Variants in NELL2 observed in about 807,000 individuals in gnomAD.
NELL2 encodes protein kinase C-binding protein NELL2.
Under a neutral mutation model 109.6 loss-of-function variants are expected in NELL2, and 41 were observed. That is an observed-to-expected ratio of 0.37 (90% confidence interval 0.29 to 0.49). The LOEUF is 0.49. NELL2 is among the 20% of genes least tolerant of loss of function. The pLI, the probability that NELL2 is intolerant of heterozygous loss-of-function variation, is 0.98. For missense variants in NELL2, 900 were observed against 1,008.3 expected (o/e 0.89, Z 1.45); for synonymous variants, 355 against 344.7 (o/e 1.03, Z -0.33).
intron 2 of NELL2, among the ~76,000 whole-genome samples, chr12:44,845,750 C>T (rs1296234718): frequency 6.6e-6 from 1 of 152,180 alleles, no homozygotes; most frequent in Non-Finnish European, 1.5e-5. Flanking sequence ...TACACACACA[C>T]AGTACTAAGG....
chr12:44,662,809 T>C (rs1330075530), intron 13 of NELL2, among the ~76,000 whole-genome samples: 1 of 152,112 alleles, frequency 6.6e-6, no homozygotes, highest in Non-Finnish European at 1.5e-5. Context: ...GAGAGTCTGC[T>C]GGGAGTATCT....
At chr12:44,608,968 A>G (rs891201358) in intron 14 of NELL2, among the ~76,000 whole-genome samples, 10 of 151,318 alleles carry the variant, frequency 6.6e-5, no homozygotes, top group Non-Finnish European at 1.5e-5. Context: ...TTAAAGTATA[A>G]GTTATGCATA....
chr12:44,707,208 C>A (rs1937934332), intron 11 of NELL2, among the ~76,000 whole-genome samples: 1 of 152,092 alleles, frequency 6.6e-6, no homozygotes, highest in Admixed American at 6.6e-5. Flanking sequence ...AGTCCACTGG[C>A]CTGGACACAA....
At chr12:44,671,483 T>C (rs957325750) in intron 12 of NELL2, among the ~76,000 whole-genome samples, 17 of 151,870 alleles carry the variant, frequency 1.1e-4, no homozygotes, top group Non-Finnish European at 2.4e-4. Context: ...TACAAAGAAT[T>C]AACAAAATGA....
intron 9 of NELL2, among the ~76,000 whole-genome samples, chr12:44,718,850 T>C (rs1404944531): frequency 6.6e-6 from 1 of 152,150 alleles, no homozygotes; most frequent in Non-Finnish European, 1.5e-5. Context: ...TCGACTCTAG[T>C]AGGTGCTGCT....
At chr12:44,767,306 G>T (rs967325360) in intron 9 of NELL2, among the ~76,000 whole-genome samples, 1 of 152,126 alleles carries the variant, frequency 6.6e-6, no homozygotes, top group Non-Finnish European at 1.5e-5. Context: ...TGTCAAGGTT[G>T]CCTGGGAAAG....
chr12:44,601,802 A>G (rs182674229), intron 15 of NELL2, among the ~76,000 whole-genome samples: 101 of 152,276 alleles, frequency 6.6e-4, no homozygotes, highest in African/African-American at 2.0e-3. Flanking sequence ...TTTATTTTCT[A>G]CATGCACAAA....
At position 44,677,053 on chromosome 12, in the gene NELL2, T is replaced by C. The variant is rs1208693663; in HGVS notation, c.1319-11444A>G. 2.0e-5 allele frequency among the ~76,000 whole-genome samples: 3 copies of C among 152,168 alleles called. No individual in the cohort carries two copies. The East Asian group carries it at 5.8e-4, about 29-fold the overall frequency. ...AGCAAAGTGAGGGCTCCAAACCCAG[T>C]CTTACAAACAGGGAGAAATTAACAT... On this transcript the variant is annotated intron_variant, in intron 12 of 19. Transcript: ENST00000429094.
intron 15 of NELL2, among the ~76,000 whole-genome samples, chr12:44,566,533 TCACACACACACA>T (rs3071958): frequency 2.7e-5 from 4 of 148,760 alleles, no homozygotes; most frequent in African/African-American, 1.0e-4. Context: ...TTACACATAC[TCACACACACACA>T]CACACACACA....
At chr12:44,600,217 G>T (rs1945164914) in intron 15 of NELL2, among the ~76,000 whole-genome samples, 1 of 150,086 alleles carries the variant, frequency 6.7e-6, no homozygotes, top group African/African-American at 2.5e-5. Flanking sequence ...CACCGTGTTA[G>T]TCAGGATGGT....
Position 44,665,623 on chromosome 12 carries a change from C to A in NELL2, c.1319-14G>T. On this transcript the variant is annotated splice_polypyrimidine_tract_variant and intron_variant, in intron 12 of 19. Transcript: ENST00000429094. Reference sequence around the variant, plus strand: ...ACTCATCGATGTCTGTGAAGAAAAACAGGACAAAGAGGTCAACAGTGGGCA... The same window carrying A: ...ACTCATCGATGTCTGTGAAGAAAAAAAGGACAAAGAGGTCAACAGTGGGCA... 2 of 1,610,516 alleles carry A rather than the reference C, an allele frequency of 1.2e-6. No individual in the cohort carries two copies. The highest frequency in any genetic ancestry group is 1.7e-6 in the Non-Finnish European group (2 of 1,177,940).
chr12:44,736,064 G>A (rs554243140), intron 9 of NELL2, among the ~76,000 whole-genome samples: 29 of 140,872 alleles, frequency 2.1e-4, no homozygotes, highest in African/African-American at 4.5e-4. Flanking sequence ...AGGCTGGAGC[G>A]CAGTGGCGCG....
At chr12:44,815,043 TC>T (rs1267891172) in intron 3 of NELL2, among the ~76,000 whole-genome samples, 1 of 152,198 alleles carries the variant, frequency 6.6e-6, no homozygotes, top group Non-Finnish European at 1.5e-5. Flanking sequence ...TTAGGTGACT[TC>T]CCCAATGTCC....
Position 44,520,121 on chromosome 12 carries a change from C to A in NELL2, c.2284G>T (p.Ala762Ser). Residue 762 changes from alanine to serine, a missense_variant, in exon 19 of 20, where the codon GCT (alanine) becomes TCT (serine). Transcript: ENST00000429094. ...CPRCVTDPCQADTIRNDITKT... is the reference protein window; with the variant it reads ...CPRCVTDPCQSDTIRNDITKT... ...GTGATGTCATTGCGGATGGTGTCAG[C>A]CTGGCAAGGGTCTGTGACACAGCGC... 1 of 1,614,130 alleles carries A rather than the reference C, an allele frequency of 6.2e-7. No individual in the cohort carries two copies. The highest frequency in any genetic ancestry group is 8.5e-7 in the Non-Finnish European group (1 of 1,180,032).
chr12:44,893,306 C>T (rs541549978), intron 1 of NELL2, among the ~76,000 whole-genome samples: 2 of 149,470 alleles, frequency 1.3e-5, no homozygotes, highest in East Asian at 4.0e-4. Flanking sequence ...GTTTTCTCTC[C>T]AATTTTCTCT....
chr12:44,830,255 G>A (rs1943845721), intron 2 of NELL2, among the ~76,000 whole-genome samples: 1 of 152,154 alleles, frequency 6.6e-6, no homozygotes, highest in Non-Finnish European at 1.5e-5. Context: ...TAGCCAAAGA[G>A]ATAGTACATG....
intron 13 of NELL2, among the ~76,000 whole-genome samples, chr12:44,657,751 T>G (rs562748718): frequency 9.8e-5 from 15 of 152,344 alleles, no homozygotes; most frequent in African/African-American, 3.1e-4. Flanking sequence ...GTTCCTGTGT[T>G]AGTTTGCTGA....
At position 44,821,412 on chromosome 12, in the gene NELL2, C is replaced by T. The variant is rs909857041; in HGVS notation, c.185-5276G>A. Among the ~76,000 whole-genome samples the T allele has an allele frequency of 2.0e-5, 3 of 152,238 alleles. 1 individual carries two copies. The highest frequency in any genetic ancestry group is 4.2e-4 in the South Asian group (2 of 4,814). On this transcript the variant is annotated intron_variant, in intron 2 of 19. Coordinates refer to ENST00000429094, the MANE Select transcript of NELL2 (RefSeq NM_001145108.2). ...CAAACAAATGCAAATAAGAGAGCAA[C>T]CAACACAGAAAATAATTCAGAAACA...
intron 12 of NELL2, among the ~76,000 whole-genome samples, chr12:44,673,217 C>A (rs1051814215): frequency 2.6e-5 from 4 of 152,124 alleles, no homozygotes; most frequent in Non-Finnish European, 5.9e-5. Flanking sequence ...ACATAAAAGT[C>A]ATTTCCATTT....
Sources: gnomAD v4.1 joint callset for allele counts (sites outside exome capture counted in the v4.1 genomes callset) on GRCh38, gnomAD v4.1.1 for gene constraint, MANE v1.5 for transcripts, NCBI Gene and HGNC (gene_info 2026-07-23, HGNC 2026-07-21) for gene names.